Variants in SLC44A5 observed in about 807,000 individuals in gnomAD.
SLC44A5 encodes choline transporter-like protein 5.
SLC44A5 carries 57 observed loss-of-function variants against 101.8 expected under a neutral mutation model. That is an observed-to-expected ratio of 0.56 (90% CI 0.45 to 0.70). The LOEUF is 0.70. SLC44A5 is among the 30% of genes least tolerant of loss of function. SLC44A5 has a pLI of 0.00. For synonymous variants in SLC44A5, 281 were observed against 290.9 expected (o/e 0.97, Z 0.35); for missense variants, 737 against 853.1 (o/e 0.86, Z 1.70).
intron 2 of SLC44A5, among the ~76,000 whole-genome samples, chr1:75,520,740 T>G (rs1321809959): frequency 2.0e-5 from 3 of 152,182 alleles, no homozygotes; most frequent in African/African-American, 7.2e-5. Flanking sequence ...AGCATCATGA[T>G]AGCTAAAGAA....
the SLC44A5 span, among the ~76,000 whole-genome samples, chr1:75,701,828 TG>T: frequency 6.6e-6 from 1 of 152,154 alleles, no homozygotes; most frequent in South Asian, 2.1e-4. Context: ...ACAAAATCAA[TG>T]TGCAAAAATC....
intron 3 of SLC44A5, among the ~76,000 whole-genome samples, chr1:75,362,908 G>A (rs1409051195): frequency 3.3e-5 from 5 of 152,016 alleles, no homozygotes; most frequent in Non-Finnish European, 7.4e-5. Flanking sequence ...TTTGTCCATT[G>A]TTGAAAGTGG....
chr1:75,675,536 C>T, the SLC44A5 span, among the ~76,000 whole-genome samples: 7 of 152,010 alleles, frequency 4.6e-5, no homozygotes, highest in Non-Finnish European at 8.8e-5. Flanking sequence ...TCCCTTACAC[C>T]TTATATAAAA....
At chr1:75,337,000 A>G (rs1438998464) in intron 4 of SLC44A5, among the ~76,000 whole-genome samples, 2 of 152,202 alleles carry the variant, frequency 1.3e-5, no homozygotes, top group African/African-American at 4.8e-5. Flanking sequence ...TTCAGATAGC[A>G]TCTTAGCAAG....
chr1:75,208,234 C>T (rs1646786281), intron 23 of SLC44A5, among the ~76,000 whole-genome samples: 1 of 152,210 alleles, frequency 6.6e-6, no homozygotes, highest in South Asian at 2.1e-4. Context: ...TCTCAGCTCA[C>T]TGCAGCCTCT....
chr1:75,576,562 T>C (rs1423592748), intron 1 of SLC44A5, among the ~76,000 whole-genome samples: 4 of 152,166 alleles, frequency 2.6e-5, no homozygotes, highest in Admixed American at 2.0e-4. Flanking sequence ...TCGTGATCCG[T>C]CCACTGTGGC....
At chr1:75,590,283 C>A (rs1402572581) in intron 1 of SLC44A5, among the ~76,000 whole-genome samples, 3 of 152,076 alleles carry the variant, frequency 2.0e-5, no homozygotes, top group Non-Finnish European at 2.9e-5. Flanking sequence ...TAGGCCCTAG[C>A]TGACAGATGA....
chr1:75,370,598 A>G (rs1259118385), intron 3 of SLC44A5, among the ~76,000 whole-genome samples: 4 of 152,196 alleles, frequency 2.6e-5, no homozygotes, highest in Non-Finnish European at 5.9e-5. Flanking sequence ...AAATTCCTGG[A>G]GCATAAACCA....
intron 2 of SLC44A5, among the ~76,000 whole-genome samples, chr1:75,458,511 A>G (rs1242676620): frequency 6.6e-6 from 1 of 152,218 alleles, no homozygotes; most frequent in Non-Finnish European, 1.5e-5. Context: ...CAGAAATGCT[A>G]TTACAATAGC....
intron 3 of SLC44A5, among the ~76,000 whole-genome samples, chr1:75,346,607 T>C (rs1658275691): frequency 6.6e-6 from 1 of 152,126 alleles, no homozygotes; most frequent in Non-Finnish European, 1.5e-5. Context: ...TATTGGATAA[T>C]CACACATCAT....
At chr1:75,641,868 T>C in the SLC44A5 span, 1 of 1,529,818 alleles carries the variant, frequency 6.5e-7, no homozygotes. Context: ...ACCACTACTG[T>C]GATATATTTA....
intron 5 of SLC44A5, among the ~76,000 whole-genome samples, chr1:75,287,056 C>A (rs1653112702): frequency 6.6e-6 from 1 of 152,110 alleles, no homozygotes; most frequent in Non-Finnish European, 1.5e-5. Flanking sequence ...TTAGATTTCT[C>A]TTCTTCCTTG....
intron 4 of SLC44A5, among the ~76,000 whole-genome samples, chr1:75,305,845 G>A (rs769772589): frequency 6.6e-6 from 1 of 152,208 alleles, no homozygotes; most frequent in South Asian, 2.1e-4. Context: ...CCTTCTTGAA[G>A]TTTTCAACTA....
chr1:75,334,913 T>C lies in SLC44A5; in HGVS notation c.101+4669A>G, dbSNP rs114481821. ...TCCTTGGTGCTCCAAGAGTAGTCTG[T>C]GCACTTATAATACCACGTTGTAGTT... On this transcript the variant is annotated intron_variant, in intron 4 of 23. Coordinates refer to ENST00000370859, the MANE Select transcript of SLC44A5 (RefSeq NM_001130058.2). 5.7e-3 allele frequency among the ~76,000 whole-genome samples: 872 copies of C among 152,306 alleles called. 10 individuals are homozygous for C. The highest frequency in any genetic ancestry group is 0.02 in the African/African-American group (840 of 41,558).
the SLC44A5 span, among the ~76,000 whole-genome samples, chr1:75,639,987 G>T: frequency 6.6e-6 from 1 of 151,946 alleles, no homozygotes; most frequent in South Asian, 2.1e-4. Context: ...ATCTATAATT[G>T]CTTTGGTCAG....
At chr1:75,388,433 C>G (rs1661550973) in intron 3 of SLC44A5, among the ~76,000 whole-genome samples, 1 of 152,122 alleles carries the variant, frequency 6.6e-6, no homozygotes, top group African/African-American at 2.4e-5. Flanking sequence ...CAGCTAACAA[C>G]TACACAATTG....
chr1:75,268,478 G>A (rs780683588), intron 6 of SLC44A5, among the ~76,000 whole-genome samples: 2 of 151,918 alleles, frequency 1.3e-5, no homozygotes, highest in African/African-American at 2.4e-5. Flanking sequence ...TAACTTAAAC[G>A]TAGGCTTCAT....
chr1:75,214,365 G>C (rs1420425502), intron 20 of SLC44A5, among the ~76,000 whole-genome samples: 1 of 151,986 alleles, frequency 6.6e-6, no homozygotes, highest in African/African-American at 2.4e-5. Context: ...CTTGAGCAGA[G>C]GGGATAATAA....
chr1:75,286,748 G>A (rs1442803844), intron 5 of SLC44A5, among the ~76,000 whole-genome samples: 1 of 151,700 alleles, frequency 6.6e-6, no homozygotes, highest in Non-Finnish European at 1.5e-5. Flanking sequence ...TGGTTTTGCT[G>A]GTTTTGTTTA....
Sources: gnomAD v4.1 joint callset for allele counts (sites outside exome capture counted in the v4.1 genomes callset) on GRCh38, gnomAD v4.1.1 for gene constraint, MANE v1.5 for transcripts, NCBI Gene and HGNC (gene_info 2026-07-23, HGNC 2026-07-21) for gene names.